ADK: variants seen among roughly 807,000 people sequenced by gnomAD.
The protein encoded by ADK is adenosine kinase.
Under a neutral mutation model 44.7 loss-of-function variants are expected in ADK, and 24 were observed. That is an observed-to-expected ratio of 0.54 (90% CI 0.39 to 0.76). The LOEUF is 0.76. Among genes scored for constraint, ADK ranks in the 30% least tolerant of loss-of-function variants. ADK has a pLI of 0.00. For missense variants in ADK, 321 were observed against 425.1 expected (o/e 0.76, Z 2.15); for synonymous variants, 128 against 142.6 (o/e 0.90, Z 0.73).
rs1398776451 is a variant in ADK at position 74,200,818 on chromosome 10, G to A, written c.120G>A (p.Val40=). ...CTCTGCTTGACATCTCTGCTGTAGT[G>A]GACAAAGATTTCCTTGATAAGTAAG... ...GNPLLDISAV[V]DKDFLDKYSL... is the part of the protein sequence containing the mutation. Residue 40 remains valine (V), a synonymous_variant, in exon 2 of 11, where the codon GTG becomes GTA. Transcript: ENST00000539909. 1.9e-6 allele frequency: 3 copies of A among 1,609,166 alleles called. No individual in the cohort carries two copies. The highest frequency in any genetic ancestry group is 2.6e-6 in the Non-Finnish European group (3 of 1,176,118).
chr10:74,222,624 A>G (rs1393907130), intron 2 of ADK, among the ~76,000 whole-genome samples: 2 of 152,228 alleles, frequency 1.3e-5, no homozygotes, highest in Admixed American at 6.5e-5. Context: ...ATGTCCAACA[A>G]TGATAGACTG....
intron 4 of ADK, among the ~76,000 whole-genome samples, chr10:74,333,339 T>C (rs1248174606): frequency 1.3e-5 from 2 of 152,208 alleles, no homozygotes; most frequent in Non-Finnish European, 2.9e-5. Context: ...GTACTTTATT[T>C]AGAGAACTAG....
intron 9 of ADK, among the ~76,000 whole-genome samples, chr10:74,632,606 T>G (rs181929982): frequency 1.8e-4 from 27 of 152,274 alleles, no homozygotes; most frequent in Admixed American, 1.8e-3. Context: ...TATCTTTCTG[T>G]GCCCACTCCT....
chr10:74,247,224 G>GTTTTTTTTT (rs142274121), intron 3 of ADK, among the ~76,000 whole-genome samples: 39 of 72,008 alleles, frequency 5.4e-4, no homozygotes, highest in Non-Finnish European at 6.8e-4. Context: ...TTTTTTTTAA[G>GTTTTTTTTT]TTTTTTTTTT....
intron 3 of ADK, among the ~76,000 whole-genome samples, chr10:74,290,523 A>G (rs1212965723): frequency 2.0e-5 from 3 of 152,058 alleles, no homozygotes; most frequent in African/African-American, 4.8e-5. Flanking sequence ...AACCATTGAT[A>G]ACTTTTGTTA....
At chr10:74,695,828 C>T (rs1029089818) in intron 10 of ADK, among the ~76,000 whole-genome samples, 5 of 151,750 alleles carry the variant, frequency 3.3e-5, no homozygotes, top group African/African-American at 9.7e-5. Context: ...TTTGTAGAGC[C>T]GAGGTTTCAA....
intron 7 of ADK, among the ~76,000 whole-genome samples, chr10:74,526,185 CTTTA>C (rs773918438): frequency 6.6e-6 from 1 of 151,576 alleles, no homozygotes; most frequent in Non-Finnish European, 1.5e-5. Context: ...ATTTATATTT[CTTTA>C]TTAATAATAT....
chr10:74,214,093 T>C (rs1272050631), intron 2 of ADK, among the ~76,000 whole-genome samples: 2 of 152,220 alleles, frequency 1.3e-5, no homozygotes, highest in Non-Finnish European at 2.9e-5. Context: ...AATCCTCGTT[T>C]ACTTTGCTAA....
intron 6 of ADK, among the ~76,000 whole-genome samples, chr10:74,514,781 ATAAT>A (rs1848495750): frequency 6.6e-6 from 1 of 151,740 alleles, no homozygotes; most frequent in African/African-American, 2.4e-5. Context: ...CTGTTACTAG[ATAAT>A]TATTGTTTTC....
intron 3 of ADK, among the ~76,000 whole-genome samples, chr10:74,234,936 C>T: frequency 1.3e-5 from 2 of 152,132 alleles, no homozygotes; most frequent in Middle Eastern, 3.4e-3. Flanking sequence ...TCACTTTGTA[C>T]ACACAAAGTT....
intron 6 of ADK, among the ~76,000 whole-genome samples, chr10:74,477,868 A>G (rs545411017): frequency 1.3e-5 from 2 of 152,342 alleles, no homozygotes; most frequent in African/African-American, 2.4e-5. Flanking sequence ...GCCTTTCATA[A>G]TAGTCATTTT....
At chr10:74,665,756 AG>A in intron 9 of ADK, among the ~76,000 whole-genome samples, 1 of 150,558 alleles carries the variant, frequency 6.6e-6, no homozygotes. Flanking sequence ...AGAGAGAGAG[AG>A]AGAGAGAGAG....
intron 6 of ADK, among the ~76,000 whole-genome samples, chr10:74,495,437 T>G (rs1000861442): frequency 6.6e-6 from 1 of 152,188 alleles, no homozygotes; most frequent in Non-Finnish European, 1.5e-5. Flanking sequence ...CCTTAGGGTA[T>G]TTGAGTAAAA....
chr10:74,402,849 T>C (rs1261685141), intron 6 of ADK, among the ~76,000 whole-genome samples: 1 of 152,210 alleles, frequency 6.6e-6, no homozygotes, highest in Non-Finnish European at 1.5e-5. Context: ...AATTGTCAGC[T>C]TTTCTCCTCT....
At chr10:74,542,404 T>A (rs914528350) in intron 7 of ADK, among the ~76,000 whole-genome samples, 1 of 152,232 alleles carries the variant, frequency 6.6e-6, no homozygotes, top group African/African-American at 2.4e-5. Context: ...AAAACAAATT[T>A]ACTAAGAGCT....
At chr10:74,456,289 G>A (rs574330476) in intron 6 of ADK, among the ~76,000 whole-genome samples, 1 of 152,200 alleles carries the variant, frequency 6.6e-6, no homozygotes. Context: ...ATAATTGGAA[G>A]TAAAACACTC....
chr10:74,483,384 T>G (rs1446580166), intron 6 of ADK, among the ~76,000 whole-genome samples: 1 of 152,156 alleles, frequency 6.6e-6, no homozygotes, highest in African/African-American at 2.4e-5. Flanking sequence ...ACTCTTCGCT[T>G]TTATGACTCT....
chr10:74,564,790 G>A (rs890297930), intron 7 of ADK, among the ~76,000 whole-genome samples: 1 of 151,920 alleles, frequency 6.6e-6, no homozygotes, highest in Middle Eastern at 3.2e-3. Flanking sequence ...CATTTTGGGG[G>A]TGCTTTCCTT....
chr10:74,409,518 A>G (rs1201908369), intron 6 of ADK, among the ~76,000 whole-genome samples: 1 of 152,124 alleles, frequency 6.6e-6, no homozygotes, highest in Non-Finnish European at 1.5e-5. Flanking sequence ...GTTTTCCTTT[A>G]GCACTCATGC....
Sources: gnomAD v4.1 joint callset for allele counts (sites outside exome capture counted in the v4.1 genomes callset) on GRCh38, gnomAD v4.1.1 for gene constraint, MANE v1.5 for transcripts, NCBI Gene and HGNC (gene_info 2026-07-23, HGNC 2026-07-21) for gene names.